Variants in PLCB1 observed in about 807,000 individuals in gnomAD.
The protein encoded by PLCB1 is 1-phosphatidylinositol 4,5-bisphosphate phosphodiesterase beta-1.
A neutral mutation model predicts 161.8 loss-of-function variants in PLCB1; 46 were observed. That is an observed-to-expected ratio of 0.28 (90% CI 0.22 to 0.36). The LOEUF (loss-of-function observed/expected upper bound fraction) is 0.36. Among genes scored for constraint, PLCB1 ranks in the 10% least tolerant of loss-of-function variants. The probability of loss-of-function intolerance (pLI) is 1.00; values close to 1 mark genes in which losing one functional copy is unlikely to be tolerated. For missense variants in PLCB1, 1,016 were observed against 1,472.5 expected (o/e 0.69, Z 5.07); for synonymous variants, 517 against 503.7 (o/e 1.03, Z -0.35).
rs780691956 is a variant in PLCB1, at chr20:8,628,326, G to A, written c.279G>A (p.Gly93=). The A allele has an allele frequency of 5.6e-6, 9 of 1,613,900 alleles. No homozygotes were observed. In the South Asian group the frequency reaches 9.9e-5, roughly 18 times the overall value. ...DPKLRELLDV[G]NIGRLEQRMI... is the part of the protein sequence containing the mutation. ...AATTACGTGAACTTTTGGATGTGGG[G>A]AACATCGGGCGCCTGGAGCAGCGCA... The change falls in exon 4 of 32, where the codon GGG becomes GGA. Residue 93 remains glycine, a synonymous_variant. Transcript: ENST00000338037.
At position 8,740,314 on chromosome 20, in the gene PLCB1, G is replaced by A. The variant is rs111394675; in HGVS notation, c.2309-30G>A. 1,642 of 1,170,310 alleles carry A rather than the reference G, an allele frequency of 1.4e-3. 16 individuals carry two copies. In the African/African-American group the frequency reaches 0.022, roughly 16 times the overall value. The allele number at this position is 1,170,310 out of a possible 1,614,324, so 72.5% of individuals were successfully genotyped here. ...ATAACTAACATTGGAAAGGAAATATGTGCTACACAGCATTATTCTCACCTT... is the reference window on the plus strand; with the variant it reads ...ATAACTAACATTGGAAAGGAAATATATGCTACACAGCATTATTCTCACCTT... On this transcript the variant is annotated intron_variant, in intron 21 of 31. Transcript: ENST00000338037.
intron 2 of PLCB1, among the ~76,000 whole-genome samples, chr20:8,273,439 T>TTATATATACA (rs1555794397): frequency 6.6e-6 from 1 of 152,174 alleles, no homozygotes; most frequent in Non-Finnish European, 1.5e-5. Context: ...AGGCTATATT[T>TTATATATACA]TATATATACA....
intron 27 of PLCB1, among the ~76,000 whole-genome samples, chr20:8,780,805 A>G (rs1251530024): frequency 6.6e-6 from 1 of 152,216 alleles, no homozygotes; most frequent in Non-Finnish European, 1.5e-5. Flanking sequence ...AAGTCACTGC[A>G]TGACCACCTG....
chr20:8,315,705 G>A (rs767696955), intron 2 of PLCB1, among the ~76,000 whole-genome samples: 4 of 152,012 alleles, frequency 2.6e-5, no homozygotes, highest in Admixed American at 6.6e-5. Context: ...TGTGTCTGCC[G>A]GTCTTGCTTA....
intron 2 of PLCB1, among the ~76,000 whole-genome samples, chr20:8,280,356 T>A (rs1162592263): frequency 2.0e-5 from 3 of 152,030 alleles, no homozygotes; most frequent in African/African-American, 7.2e-5. Flanking sequence ...AAAAAGTTTT[T>A]TAAAAAGAAG....
intron 8 of PLCB1, among the ~76,000 whole-genome samples, chr20:8,658,333 C>T (rs1054636980): frequency 1.3e-5 from 2 of 152,042 alleles, no homozygotes; most frequent in African/African-American, 2.4e-5. Flanking sequence ...TGGGTTTTAG[C>T]GGTAGCAATT....
At chr20:8,779,598 A>G (rs2146209433) in intron 27 of PLCB1, among the ~76,000 whole-genome samples, 1 of 150,552 alleles carries the variant, frequency 6.6e-6, no homozygotes, top group South Asian at 2.1e-4. Context: ...CAAAGTGTGA[A>G]GTGTGGGCCG....
At chr20:8,779,537 G>T (rs1370856887) in intron 27 of PLCB1, among the ~76,000 whole-genome samples, 3 of 106,402 alleles carry the variant, frequency 2.8e-5, no homozygotes. Flanking sequence ...AAAAAAAAAG[G>T]ATCTGTGTCC....
At chr20:8,157,111 T>C (rs961501904) in intron 2 of PLCB1, among the ~76,000 whole-genome samples, 5 of 152,230 alleles carry the variant, frequency 3.3e-5, no homozygotes, top group African/African-American at 1.2e-4. Flanking sequence ...TATTTCATAA[T>C]GTTGTGGGAA....
At chr20:8,297,162 T>A (rs1983671587) in intron 2 of PLCB1, among the ~76,000 whole-genome samples, 1 of 152,140 alleles carries the variant, frequency 6.6e-6, no homozygotes, top group African/African-American at 2.4e-5. Flanking sequence ...TACTCCTGTA[T>A]GTGCATATGC....
chr20:8,270,953 A>G (rs959126698), intron 2 of PLCB1, among the ~76,000 whole-genome samples: 1 of 152,092 alleles, frequency 6.6e-6, no homozygotes. Context: ...AGCAAAACAA[A>G]CCTACGCAAA....
intron 3 of PLCB1, among the ~76,000 whole-genome samples, chr20:8,454,645 A>G (rs1334995907): frequency 6.6e-6 from 1 of 151,784 alleles, no homozygotes; most frequent in African/African-American, 2.4e-5. Flanking sequence ...GGAGACTGCC[A>G]CTCTTACGTC....
chr20:8,632,034 G>GTTTT (rs750797408), intron 4 of PLCB1, among the ~76,000 whole-genome samples: 14 of 81,748 alleles, frequency 1.7e-4, no homozygotes, highest in East Asian at 1.2e-3. Context: ...GGTTTTTTTT[G>GTTTT]CTTTTTTTTT....
At chr20:8,243,471 G>T (rs79546682) in intron 2 of PLCB1, among the ~76,000 whole-genome samples, 2,735 of 151,998 alleles carry the variant, frequency 0.018, 26 homozygotes, top group Admixed American at 0.029. Context: ...GCCAGTTCCT[G>T]GTGGAAGCCA....
chr20:8,867,618 T>C (rs1987473958), intron 31 of PLCB1, among the ~76,000 whole-genome samples: 1 of 152,234 alleles, frequency 6.6e-6, no homozygotes, highest in Non-Finnish European at 1.5e-5. Context: ...TTAGCCTCTC[T>C]CGAATAGGCT....
intron 3 of PLCB1, among the ~76,000 whole-genome samples, chr20:8,497,197 A>G (rs1290518287): frequency 6.6e-6 from 1 of 152,210 alleles, no homozygotes; most frequent in Non-Finnish European, 1.5e-5. Flanking sequence ...TGTAGAAACA[A>G]ACATTGAAAT....
chr20:8,637,789 A>G (rs1988809469), intron 4 of PLCB1, among the ~76,000 whole-genome samples: 1 of 152,272 alleles, frequency 6.6e-6, no homozygotes, highest in Non-Finnish European at 1.5e-5. Context: ...TTTCATACTC[A>G]TGTAAATTTT....
chr20:8,709,015 AC>A (rs1395563612), intron 12 of PLCB1, among the ~76,000 whole-genome samples: 5 of 152,164 alleles, frequency 3.3e-5, no homozygotes, highest in Non-Finnish European at 5.9e-5. Flanking sequence ...ATGCAGTGGA[AC>A]ACATTTTTCT....
chr20:8,473,936 A>C (rs1016246146), intron 3 of PLCB1, among the ~76,000 whole-genome samples: 2 of 152,210 alleles, frequency 1.3e-5, no homozygotes, highest in Admixed American at 6.5e-5. Flanking sequence ...AGAAGTGATC[A>C]CATGCTCCAG....
Sources: allele counts gnomAD v4.1 joint callset (sites outside exome capture counted in the v4.1 genomes callset), GRCh38; gene constraint gnomAD v4.1.1; transcripts MANE v1.5; gene names NCBI Gene and HGNC (gene_info 2026-07-23, HGNC 2026-07-21).